The following SDCCAG8 variants were observed in gnomAD, a reference collection of about 807,000 sequenced individuals.
The protein encoded by SDCCAG8 is SHH signaling and ciliogenesis regulator SDCCAG8.
SDCCAG8 carries 74 observed loss-of-function variants against 101.8 expected under a neutral mutation model. The observed-to-expected ratio is 0.73, with a 90% CI of 0.60 to 0.88. The LOEUF is 0.88. Ranked by LOEUF, SDCCAG8 falls within the 40% of genes least tolerant of loss-of-function variation. The probability of loss-of-function intolerance (pLI) is 0.00; values close to 1 mark genes in which losing one functional copy is unlikely to be tolerated. For synonymous variants in SDCCAG8, 281 were observed against 292.9 expected, an observed-to-expected ratio of 0.96 and a Z score of 0.41; for missense variants, 787 against 822.6, an observed-to-expected ratio of 0.96 and a Z score of 0.53.
intron 8 of SDCCAG8, among the ~76,000 whole-genome samples, chr1:243,310,256 A>G (rs550141186): frequency 4.7e-4 from 72 of 152,274 alleles, no homozygotes; most frequent in Non-Finnish European, 6.0e-4. Flanking sequence ...TATAGTCTCA[A>G]TATAACTATT....
chr1:243,302,641 C>T (rs1232121761), intron 6 of SDCCAG8, among the ~76,000 whole-genome samples: 1 of 152,204 alleles, frequency 6.6e-6, no homozygotes, highest in African/African-American at 2.4e-5. Flanking sequence ...CAGTAAGAGA[C>T]TGCCTTTTAA....
chr1:243,316,975 A>G (rs2073305024), intron 9 of SDCCAG8, 82 bp downstream of exon 9: 37 of 1,397,390 alleles, frequency 2.6e-5, no homozygotes, highest in Non-Finnish European at 3.6e-5. Flanking sequence ...TTATTCTTCT[A>G]TAACTAAACT....
intron 15 of SDCCAG8, among the ~76,000 whole-genome samples, chr1:243,424,342 T>C (rs1289540080): frequency 2.0e-5 from 3 of 152,144 alleles, no homozygotes; most frequent in Admixed American, 6.5e-5. Context: ...TGTTTTATTA[T>C]GATTTTTTTC....
intron 13 of SDCCAG8, among the ~76,000 whole-genome samples, chr1:243,397,187 G>A (rs1466957030): frequency 6.6e-6 from 1 of 152,176 alleles, no homozygotes; most frequent in Non-Finnish European, 1.5e-5. Flanking sequence ...GCGATCAGTG[G>A]CTAAAAGTGT....
At chr1:243,291,744 A>C (rs771708697) in intron 5 of SDCCAG8, among the ~76,000 whole-genome samples, 46 of 152,316 alleles carry the variant, frequency 3.0e-4, no homozygotes, top group African/African-American at 1.0e-3. Flanking sequence ...GTAGATACCA[A>C]CTAGGTGTCC....
At chr1:243,355,806 TGCTATGTTG>T (rs2076349566) in intron 12 of SDCCAG8, among the ~76,000 whole-genome samples, 2 of 152,084 alleles carry the variant, frequency 1.3e-5, no homozygotes, top group African/African-American at 4.8e-5. Context: ...GTCAGGGTCT[TGCTATGTTG>T]CCCAGGCTGG....
intron 16 of SDCCAG8, among the ~76,000 whole-genome samples, chr1:243,442,652 C>T (rs2082622982): frequency 6.6e-6 from 1 of 151,964 alleles, no homozygotes; most frequent in Non-Finnish European, 1.5e-5. Flanking sequence ...TCTTTCCACT[C>T]ATGTGTGGAT....
intron 15 of SDCCAG8, among the ~76,000 whole-genome samples, chr1:243,419,816 C>T (rs1573939309): frequency 1.3e-5 from 2 of 152,144 alleles, no homozygotes; most frequent in African/African-American, 2.4e-5. Flanking sequence ...TTTAAATTTC[C>T]GTGGAGAAGT....
At chr1:243,356,160 G>A (rs545476717) in intron 12 of SDCCAG8, among the ~76,000 whole-genome samples, 10 of 152,154 alleles carry the variant, frequency 6.6e-5, no homozygotes, top group South Asian at 4.2e-4. Context: ...TAAAGGCGGC[G>A]TCAACACAGA....
rs917948105 is a variant in SDCCAG8, at chr1:243,474,576, G to C, written c.1986-14438G>C. ...CTGGCCGCCTAGGCCACCCTGCCCG[G>C]CGAGGGAGAGGGGTGTCTCCTGCCT... is the stretch of plus-strand genomic sequence containing the variant. On this transcript the variant is annotated intron_variant, in intron 16 of 17. Coordinates refer to ENST00000366541, the MANE Select transcript of SDCCAG8 (RefSeq NM_006642.5). This position sits in a 1 kb window ranked among gnomAD's most constrained non-coding sequence, Gnocchi z 4.7. Among the ~76,000 whole-genome samples, 1 of 152,238 alleles carries C rather than the reference G, an allele frequency of 6.6e-6. No homozygotes were observed. The highest frequency in any genetic ancestry group is 6.5e-5 in the Admixed American group (1 of 15,290).
At chr1:243,488,679 A>T (rs1186081699) in intron 16 of SDCCAG8, among the ~76,000 whole-genome samples, 2 of 152,184 alleles carry the variant, frequency 1.3e-5, no homozygotes, top group Non-Finnish European at 2.9e-5. Context: ...AGACCTTTCC[A>T]GCTGAACAAT....
chr1:243,438,224 T>A (rs1024342029), intron 16 of SDCCAG8, among the ~76,000 whole-genome samples: 4 of 152,132 alleles, frequency 2.6e-5, no homozygotes, highest in African/African-American at 9.7e-5. Context: ...GTTTCTCTTG[T>A]CCTCTTGTGT....
chr1:243,462,389 A>G (rs1358470862), intron 16 of SDCCAG8, among the ~76,000 whole-genome samples: 2 of 152,238 alleles, frequency 1.3e-5, no homozygotes, highest in African/African-American at 4.8e-5. Context: ...ACAGAAAGCA[A>G]TATCTTTTTA....
chr1:243,425,295 GTA>G (rs1486568918), intron 15 of SDCCAG8, among the ~76,000 whole-genome samples: 1 of 152,084 alleles, frequency 6.6e-6, no homozygotes, highest in Non-Finnish European at 1.5e-5. Flanking sequence ...GAACTGCAAG[GTA>G]TCAATCAGGG....
intron 4 of SDCCAG8, among the ~76,000 whole-genome samples, chr1:243,274,912 T>G (rs1004181283): frequency 1.3e-5 from 2 of 152,216 alleles, no homozygotes; most frequent in African/African-American, 4.8e-5. Context: ...TATGCTTTCA[T>G]ATTTCAGAAG....
Position 243,256,230 on chromosome 1 carries a change from G to T in SDCCAG8, c.57G>T (p.Arg19=), listed in dbSNP as rs775308842. ...TLEEILGQYQ[R]SLREHASRSI... ...AGGAGATTCTGGGGCAGTATCAACGGAGTCTCCGGGGTGAGTTGCTCCAAA... is the reference window on the plus strand; with the variant it reads ...AGGAGATTCTGGGGCAGTATCAACGTAGTCTCCGGGGTGAGTTGCTCCAAA... Residue 19 remains arginine (R), a synonymous_variant, in exon 1 of 18, where the codon CGG becomes CGT. Transcript: ENST00000366541. The T allele has an allele frequency of 1.9e-6, 3 of 1,614,184 alleles. No homozygotes were observed. The highest frequency in any genetic ancestry group is 2.5e-6 in the Non-Finnish European group (3 of 1,179,982).
rs2073473704 is a variant in SDCCAG8, at chr1:243,318,597, A to G, written c.1068+1704A>G. 1.6e-5 allele frequency: 16 copies of G among 984,368 alleles called. No homozygotes were observed. The South Asian group carries it at 5.2e-4, about 32-fold the overall frequency. The allele number at this position is 984,368 out of a possible 1,614,324, so 61.0% of individuals were successfully genotyped here. On this transcript the variant is annotated intron_variant, in intron 9 of 17. Transcript: ENST00000366541. ...CCATTTGTCTTTATCCAGTTCATCC[A>G]TAACTCTTCCCGTTTGACCCTCATG...
At chr1:243,434,290 C>T (rs2081992602) in intron 16 of SDCCAG8, among the ~76,000 whole-genome samples, 1 of 152,250 alleles carries the variant, frequency 6.6e-6, no homozygotes, top group Non-Finnish European at 1.5e-5. Flanking sequence ...CCTCCTGCCA[C>T]CACCTCAGCA....
At chr1:243,338,981 G>GA (rs1331395032) in intron 10 of SDCCAG8, 20 of 145,194 alleles carry the variant, frequency 1.4e-4, no homozygotes, top group Non-Finnish European at 3.2e-5. Flanking sequence ...CAGGAGGGGA[G>GA]ACCTCAGAAA....
Sources: gnomAD v4.1 joint callset for allele counts (sites outside exome capture counted in the v4.1 genomes callset) on GRCh38, gnomAD v4.1.1 for gene constraint, Gnocchi (gnomAD v3.1) non-coding constraint, MANE v1.5 for transcripts, NCBI Gene and HGNC (gene_info 2026-07-23, HGNC 2026-07-21) for gene names.